Variants in TXNDC15 observed in about 807,000 individuals in gnomAD.
TXNDC15 encodes thioredoxin domain containing 15, also known as thioredoxin domain-containing protein 15.
TXNDC15 carries 24 observed loss-of-function variants against 35.0 expected under a neutral mutation model. That is an observed-to-expected ratio of 0.68 (90% CI 0.50 to 0.96). The LOEUF is 0.96. Ranked by LOEUF, TXNDC15 falls within the 40% of genes least tolerant of loss-of-function variation. The pLI is 0.00. For synonymous variants in TXNDC15, 169 were observed against 174.0 expected, an observed-to-expected ratio of 0.97 and a Z score of 0.23; for missense variants, 385 against 453.3, an observed-to-expected ratio of 0.85 and a Z score of 1.37.
Position 134,876,377 on chromosome 5 carries a change from T to C in TXNDC15, c.103+1847T>C, listed in dbSNP as rs147515492. Reference sequence around the variant, plus strand: ...TGGCTTTGCCCCCGGTGGAAAGCATTGAATTCTAGAAAGCTGCCCTCTGTG... The same window carrying C: ...TGGCTTTGCCCCCGGTGGAAAGCATCGAATTCTAGAAAGCTGCCCTCTGTG... On this transcript the variant is annotated intron_variant, in intron 1 of 4. Transcript: ENST00000358387. 1.2e-4 allele frequency among the ~76,000 whole-genome samples: 19 copies of C among 152,326 alleles called. No individual in the cohort carries two copies. In the South Asian group the frequency reaches 1.9e-3, roughly 15 times the overall value.
chr5:134,878,482 C>T (rs753789943), intron 1 of TXNDC15, among the ~76,000 whole-genome samples: 1 of 152,272 alleles, frequency 6.6e-6, no homozygotes, highest in East Asian at 1.9e-4. Flanking sequence ...TGTTTTTGGT[C>T]CCTCCTCATT....
chr5:134,887,394 A>G lies in TXNDC15; in HGVS notation c.104-301A>G, dbSNP rs570290391. On this transcript the variant is annotated intron_variant, in intron 1 of 4. Coordinates refer to ENST00000358387, the MANE Select transcript of TXNDC15 (RefSeq NM_024715.4). The stretch of plus-strand genomic sequence containing the variant: ...GAGACAGGGTTTCACCATGTTGGCC[A>G]GGCTAGTCTTGAACTCCTGACCTCA... Among the ~76,000 whole-genome samples, 79 of 152,238 alleles carry G rather than the reference A, an allele frequency of 5.2e-4. 2 individuals carry two copies. The South Asian group carries it at 0.011, about 22-fold the overall frequency.
chr5:134,898,738 G>A (rs141652867), intron 4 of TXNDC15, among the ~76,000 whole-genome samples: 45 of 152,248 alleles, frequency 3.0e-4, no homozygotes, highest in Admixed American at 5.2e-4. Context: ...CCCTGTTTCC[G>A]TTGGTGGCTT....
At chr5:134,880,970 G>A (rs1442447753) in intron 1 of TXNDC15, among the ~76,000 whole-genome samples, 1 of 151,554 alleles carries the variant, frequency 6.6e-6, no homozygotes, top group African/African-American at 2.4e-5. Context: ...TTAGATCTAT[G>A]GATTTATAGT....
upstream of TXNDC15, chr5:134,874,280 A>G (rs1030995888): frequency 6.9e-5 from 43 of 625,374 alleles, no homozygotes; most frequent in African/African-American, 4.0e-5. Flanking sequence ...CGTCCGCCCG[A>G]CTCCAAGATG....
intron 1 of TXNDC15, among the ~76,000 whole-genome samples, chr5:134,886,233 A>G (rs1750273022): frequency 6.6e-6 from 1 of 152,258 alleles, no homozygotes; most frequent in African/African-American, 2.4e-5. Flanking sequence ...TTGAAATCTT[A>G]TACAAATGTG....
At chr5:134,884,646 A>G (rs1325734260) in intron 1 of TXNDC15, among the ~76,000 whole-genome samples, 2 of 152,078 alleles carry the variant, frequency 1.3e-5, no homozygotes, top group East Asian at 3.9e-4. Flanking sequence ...GGCTCACTGC[A>G]ACCTCTGCCT....
At chr5:134,889,679 G>A (rs746972007) in intron 2 of TXNDC15, among the ~76,000 whole-genome samples, 1 of 152,180 alleles carries the variant, frequency 6.6e-6, no homozygotes, top group African/African-American at 2.4e-5. Context: ...CAATTCAAAG[G>A]TGGGGGCAAT....
chr5:134,880,713 G>C (rs1750125148), intron 1 of TXNDC15, among the ~76,000 whole-genome samples: 1 of 152,050 alleles, frequency 6.6e-6, no homozygotes, highest in African/African-American at 2.4e-5. Context: ...TAAGTGCTGG[G>C]AGTACAGGCG....
At chr5:134,891,909 T>C (rs978432322) in intron 2 of TXNDC15, among the ~76,000 whole-genome samples, 1 of 151,992 alleles carries the variant, frequency 6.6e-6, no homozygotes, top group Admixed American at 6.6e-5. Context: ...AGCAAGACCT[T>C]GTCAAATAAA....
intron 2 of TXNDC15, among the ~76,000 whole-genome samples, chr5:134,890,964 A>G (rs1398514605): frequency 1.3e-5 from 2 of 152,234 alleles, no homozygotes; most frequent in Non-Finnish European, 2.9e-5. Context: ...CATAAAAATC[A>G]ACTCCTCATC....
intron 1 of TXNDC15, among the ~76,000 whole-genome samples, chr5:134,882,612 C>T (rs1337069833): frequency 2.0e-5 from 3 of 152,248 alleles, no homozygotes; most frequent in African/African-American, 7.2e-5. Flanking sequence ...CCGAGGCTGG[C>T]GGATCACTCG....
chr5:134,874,369 TC>T (rs1342843140), upstream of TXNDC15: 1 of 1,455,772 alleles, frequency 6.9e-7, no homozygotes, highest in African/African-American at 1.5e-5. Flanking sequence ...CCCCCAGCCT[TC>T]CTCCGGCTGG....
Position 134,874,396 on chromosome 5 carries a change from A to T in TXNDC15, c.-32A>T. On this transcript the variant is annotated 5_prime_UTR_variant, in exon 1 of 5. Transcript: ENST00000358387. ...CTCCGGCTGGCAGCACGACTCGCGT[A>T]GCCGTGCGCCGATTGCCTCTCGGCC... The T allele has an allele frequency of 6.4e-7, 1 of 1,552,214 alleles. No homozygotes were observed. The highest frequency in any genetic ancestry group is 8.7e-7 in the Non-Finnish European group (1 of 1,153,436).
At chr5:134,880,611 T>C (rs2150184378) in intron 1 of TXNDC15, among the ~76,000 whole-genome samples, 1 of 152,130 alleles carries the variant, frequency 6.6e-6, no homozygotes, top group Middle Eastern at 3.4e-3. Context: ...TAATTTTTTT[T>C]TTTGTATTTT....
intron 1 of TXNDC15, 128 bp from the exon 2 acceptor site, chr5:134,887,567 A>G: frequency 8.7e-7 from 1 of 1,155,290 alleles, no homozygotes; most frequent in South Asian, 1.7e-5. Context: ...TAGCTCTCTG[A>G]TAGTTTAATG....
intron 4 of TXNDC15, among the ~76,000 whole-genome samples, chr5:134,896,648 T>TC (rs1167180934): frequency 6.8e-6 from 1 of 148,044 alleles, no homozygotes; most frequent in African/African-American, 2.5e-5. Flanking sequence ...ACTTTTTTTT[T>TC]CCCTTTTTTT....
chr5:134,882,734 G>A (rs1750184491), intron 1 of TXNDC15, among the ~76,000 whole-genome samples: 1 of 152,090 alleles, frequency 6.6e-6, no homozygotes, highest in African/African-American at 2.4e-5. Context: ...CAGGCACTCG[G>A]CAGGCTGAGG....
intron 2 of TXNDC15, chr5:134,892,931 A>G (rs1223354045): frequency 2.6e-5 from 4 of 153,114 alleles, no homozygotes; most frequent in African/African-American, 9.6e-5. Context: ...CAAAACAATT[A>G]CAATAGTAAC....
Sources: allele counts gnomAD v4.1 joint callset (sites outside exome capture counted in the v4.1 genomes callset), GRCh38; gene constraint gnomAD v4.1.1; transcripts MANE v1.5; gene names NCBI Gene and HGNC (gene_info 2026-07-23, HGNC 2026-07-21).